The following PBX1 variants were observed in gnomAD, a reference collection of about 807,000 sequenced individuals.
PBX1 encodes PBX homeobox 1.
Under a neutral mutation model 53.4 loss-of-function variants are expected in PBX1, and 6 were observed. That is an observed-to-expected ratio of 0.11 (90% CI 0.06 to 0.22). The LOEUF (loss-of-function observed/expected upper bound fraction) is 0.22. Among genes scored for constraint, PBX1 ranks in the 10% least tolerant of loss-of-function variants. The pLI is 1.00. For missense variants in PBX1, 251 were observed against 551.4 expected (o/e 0.46, Z 5.46); for synonymous variants, 204 against 212.3 (o/e 0.96, Z 0.34).
intron 2 of PBX1, among the ~76,000 whole-genome samples, chr1:164,783,412 G>T (rs553458690): frequency 6.6e-6 from 1 of 152,232 alleles, no homozygotes; most frequent in South Asian, 2.1e-4. Flanking sequence ...TTGTGTGCGT[G>T]CGTGTATGTG....
At chr1:164,605,722 T>C (rs768979100) in intron 2 of PBX1, among the ~76,000 whole-genome samples, 3 of 152,210 alleles carry the variant, frequency 2.0e-5, no homozygotes, top group Non-Finnish European at 4.4e-5. Context: ...GCTGGGTTTA[T>C]GTACTCAAGG....
intron 2 of PBX1, among the ~76,000 whole-genome samples, chr1:164,677,293 C>G (rs1661490744): frequency 6.6e-6 from 1 of 151,510 alleles, no homozygotes; most frequent in African/African-American, 2.4e-5. Flanking sequence ...GGGGTTTCAC[C>G]TTGTTAGCCA....
At chr1:164,719,200 CAAT>C (rs1051067260) in intron 2 of PBX1, among the ~76,000 whole-genome samples, 36 of 152,172 alleles carry the variant, frequency 2.4e-4, no homozygotes, top group African/African-American at 8.7e-4. Context: ...GCAAGCAACT[CAAT>C]GATGAGCCAT....
chr1:164,837,263 G>T (rs1158879683), intron 8 of PBX1, among the ~76,000 whole-genome samples: 1 of 152,046 alleles, frequency 6.6e-6, no homozygotes, highest in Non-Finnish European at 1.5e-5. Flanking sequence ...CAAAATCAAA[G>T]GTTATAAAAA....
chr1:164,869,145 T>C (rs1420960970), intron 2 of PBX1, among the ~76,000 whole-genome samples: 1 of 152,252 alleles, frequency 6.6e-6, no homozygotes, highest in African/African-American at 2.4e-5. Context: ...CTAAGGTTTA[T>C]TTAGAACATT....
chr1:164,738,809 G>C (rs1232586633), intron 2 of PBX1, among the ~76,000 whole-genome samples: 1 of 152,150 alleles, frequency 6.6e-6, no homozygotes, highest in East Asian at 1.9e-4. Context: ...GTTAAATTGT[G>C]CAGTTATTTT....
chr1:164,707,444 AGAGAGAGAGAG>A lies in PBX1; in HGVS notation c.266-85049_266-85039del, dbSNP rs1571258870. Among the ~76,000 whole-genome samples the A allele has an allele frequency of 3.3e-5, 5 of 151,276 alleles. No homozygotes were observed. The East Asian group carries it at 5.8e-4, about 18-fold the overall frequency. Reference sequence around the variant, plus strand: ...GAGAGAGAGAGAGAGAGAGAGAGAGAGAGAGAGAGAGAAAGTGCTGAATCCCCTGTAATCCT... The same window carrying A: ...GAGAGAGAGAGAGAGAGAGAGAGAGAAAAGTGCTGAATCCCCTGTAATCCT... On this transcript the variant is annotated intron_variant, in intron 2 of 8. Transcript: ENST00000420696.
chr1:164,693,082 A>C (rs56760315), intron 2 of PBX1, among the ~76,000 whole-genome samples: 1 of 152,192 alleles, frequency 6.6e-6, no homozygotes, highest in South Asian at 2.1e-4. Flanking sequence ...TGTGCCCCAC[A>C]GGCCTCTGCA....
intron 2 of PBX1, among the ~76,000 whole-genome samples, chr1:164,777,586 G>C (rs1346711873): frequency 6.6e-6 from 1 of 152,202 alleles, no homozygotes; most frequent in African/African-American, 2.4e-5. Context: ...CACTGTCACA[G>C]GACTACAGTA....
intron 2 of PBX1, among the ~76,000 whole-genome samples, chr1:164,696,713 A>T (rs1384223273): frequency 6.6e-6 from 1 of 152,120 alleles, no homozygotes; most frequent in Non-Finnish European, 1.5e-5. Context: ...TTTGAGTTTC[A>T]CTGAATGTTG....
intron 2 of PBX1, among the ~76,000 whole-genome samples, chr1:164,885,920 T>C (rs1446557321): frequency 2.0e-5 from 3 of 152,136 alleles, no homozygotes; most frequent in Non-Finnish European, 4.4e-5. Context: ...AATTATCTTA[T>C]TTATTGCCTC....
At chr1:164,696,789 T>C (rs1292072339) in intron 2 of PBX1, among the ~76,000 whole-genome samples, 5 of 152,352 alleles carry the variant, frequency 3.3e-5, no homozygotes, top group Non-Finnish European at 5.9e-5. Flanking sequence ...AGGATAGCGC[T>C]GTATCTGTTA....
At chr1:164,712,352 G>A (rs554758007) in intron 2 of PBX1, among the ~76,000 whole-genome samples, 3 of 152,224 alleles carry the variant, frequency 2.0e-5, no homozygotes, top group East Asian at 3.9e-4. Context: ...TCGGGAAAAC[G>A]ATAACGGCTG....
chr1:164,701,965 A>G (rs1663146206), intron 2 of PBX1, among the ~76,000 whole-genome samples: 1 of 152,244 alleles, frequency 6.6e-6, no homozygotes. Flanking sequence ...AACCACATAG[A>G]CAAAGTGCAT....
chr1:164,690,451 C>T (rs1358996562), intron 2 of PBX1, among the ~76,000 whole-genome samples: 1 of 152,088 alleles, frequency 6.6e-6, no homozygotes, highest in Non-Finnish European at 1.5e-5. Context: ...ATTAGTCAGT[C>T]CTTACCTTGA....
At chr1:164,625,233 A>G (rs1283847964) in intron 2 of PBX1, among the ~76,000 whole-genome samples, 1 of 152,192 alleles carries the variant, frequency 6.6e-6, no homozygotes, top group Non-Finnish European at 1.5e-5. Flanking sequence ...ACATATATTC[A>G]GTGTGAAAAT....
intron 2 of PBX1, among the ~76,000 whole-genome samples, chr1:164,858,871 G>A (rs1045340949): frequency 2.6e-5 from 4 of 152,176 alleles, no homozygotes; most frequent in South Asian, 2.1e-4. Flanking sequence ...CATACGTGCC[G>A]TGTACTTTCT....
intron 2 of PBX1, among the ~76,000 whole-genome samples, chr1:164,594,434 A>G (rs1300657064): frequency 4.6e-5 from 7 of 152,092 alleles, no homozygotes; most frequent in Non-Finnish European, 7.4e-5. Context: ...AGCTGGGATT[A>G]CAGGCACCTG....
At chr1:164,806,327 C>A (rs1394152755) in intron 4 of PBX1, among the ~76,000 whole-genome samples, 1 of 152,054 alleles carries the variant, frequency 6.6e-6, no homozygotes, top group African/African-American at 2.4e-5. Context: ...TCCTTTTTGG[C>A]AACCTGTATA....
Sources: gnomAD v4.1 joint callset for allele counts (sites outside exome capture counted in the v4.1 genomes callset) on GRCh38, gnomAD v4.1.1 for gene constraint, MANE v1.5 for transcripts, NCBI Gene and HGNC (gene_info 2026-07-23, HGNC 2026-07-21) for gene names.